ST6GALNAC3: variants seen among roughly 807,000 people sequenced by gnomAD.
ST6GALNAC3 encodes the protein ST6 N-acetylgalactosaminide alpha-2,6-sialyltransferase 3.
ST6GALNAC3 carries 25 observed loss-of-function variants against 32.7 expected under a neutral mutation model. The observed-to-expected ratio is 0.76, with a 90% confidence interval of 0.56 to 1.07. The LOEUF (loss-of-function observed/expected upper bound fraction) is 1.07, where lower values mean the gene tolerates loss of function less well. Among genes scored for constraint, ST6GALNAC3 ranks in the 50% least tolerant of loss-of-function variants. The pLI is 0.00. For synonymous variants in ST6GALNAC3, 129 were observed against 133.1 expected, an observed-to-expected ratio of 0.97 and a Z score of 0.21; for missense variants, 355 against 382.4, an observed-to-expected ratio of 0.93 and a Z score of 0.60.
intron 1 of ST6GALNAC3, among the ~76,000 whole-genome samples, chr1:76,096,095 C>T (rs1647126865): frequency 6.6e-6 from 1 of 152,160 alleles, no homozygotes; most frequent in African/African-American, 2.4e-5. Flanking sequence ...CAACGTTTAC[C>T]TGTGCTGATG....
chr1:76,159,795 A>G (rs948778198), intron 1 of ST6GALNAC3, among the ~76,000 whole-genome samples: 2 of 152,212 alleles, frequency 1.3e-5, no homozygotes, highest in African/African-American at 4.8e-5. Flanking sequence ...ATACCTACAC[A>G]TGCCATAAAC....
intron 1 of ST6GALNAC3, among the ~76,000 whole-genome samples, chr1:76,205,054 G>A (rs938042219): frequency 3.9e-5 from 6 of 152,112 alleles, no homozygotes; most frequent in African/African-American, 1.2e-4. Flanking sequence ...TGAACTGTGG[G>A]ACCCTTGAGG....
intron 2 of ST6GALNAC3, among the ~76,000 whole-genome samples, chr1:76,385,450 A>G (rs1359468): frequency 0.32 from 48,491 of 151,946 alleles, 8,760 homozygotes; most frequent in Middle Eastern, 0.42. Flanking sequence ...TCCCAGTTCA[A>G]ACATTTGGGC....
intron 1 of ST6GALNAC3, among the ~76,000 whole-genome samples, chr1:76,257,590 A>C (rs1657991527): frequency 6.6e-6 from 1 of 152,116 alleles, no homozygotes; most frequent in East Asian, 1.9e-4. Context: ...CAGTAATAGT[A>C]GCTTCTCTTA....
intron 2 of ST6GALNAC3, among the ~76,000 whole-genome samples, chr1:76,406,447 G>A (rs777927238): frequency 2.6e-5 from 4 of 152,034 alleles, no homozygotes; most frequent in Non-Finnish European, 2.9e-5. Flanking sequence ...GTAAGCAGAT[G>A]TGAAGGACCA....
At chr1:76,187,269 G>T (rs1023480941) in intron 1 of ST6GALNAC3, among the ~76,000 whole-genome samples, 2 of 152,092 alleles carry the variant, frequency 1.3e-5, no homozygotes, top group African/African-American at 4.8e-5. Context: ...AAATACCTTG[G>T]TTGTTTTCCA....
At chr1:76,272,249 C>A (rs1658886816) in intron 1 of ST6GALNAC3, among the ~76,000 whole-genome samples, 1 of 149,744 alleles carries the variant, frequency 6.7e-6, no homozygotes, top group Non-Finnish European at 1.5e-5. Flanking sequence ...TCGCTTGAAC[C>A]CAGGTCGAGG....
chr1:76,379,264 T>C (rs186178249), intron 2 of ST6GALNAC3, among the ~76,000 whole-genome samples: 277 of 152,280 alleles, frequency 1.8e-3, no homozygotes, highest in African/African-American at 6.1e-3. Flanking sequence ...ACAATTGATT[T>C]CTACTTCATT....
At chr1:76,416,181 G>A (rs886911533) in intron 3 of ST6GALNAC3, among the ~76,000 whole-genome samples, 1 of 151,956 alleles carries the variant, frequency 6.6e-6, no homozygotes, top group African/African-American at 2.4e-5. Context: ...CATTTATGTG[G>A]ATCTGTGCTC....
At chr1:76,206,715 G>C (rs1030415286) in intron 1 of ST6GALNAC3, among the ~76,000 whole-genome samples, 1 of 151,804 alleles carries the variant, frequency 6.6e-6, no homozygotes, top group Non-Finnish European at 1.5e-5. Flanking sequence ...CCTGGCGATA[G>C]AGCGAGACTC....
intron 3 of ST6GALNAC3, among the ~76,000 whole-genome samples, chr1:76,494,464 T>TGTACAC (rs1660697790): frequency 1.4e-5 from 1 of 73,258 alleles, no homozygotes; most frequent in African/African-American, 5.3e-5. Flanking sequence ...TATATATATA[T>TGTACAC]ATATACACAC....
intron 2 of ST6GALNAC3, among the ~76,000 whole-genome samples, chr1:76,408,610 G>A (rs1187691838): frequency 6.6e-6 from 1 of 152,004 alleles, no homozygotes; most frequent in African/African-American, 2.4e-5. Flanking sequence ...CACTTTCAGA[G>A]GTTACAATTG....
intron 1 of ST6GALNAC3, among the ~76,000 whole-genome samples, chr1:76,218,712 C>T (rs473421): frequency 6.6e-6 from 1 of 152,084 alleles, no homozygotes; most frequent in Admixed American, 6.6e-5. Flanking sequence ...CAGCTTAATT[C>T]TTATTAGCTA....
chr1:76,313,666 T>C, intron 1 of ST6GALNAC3, 139 bp from the exon 2 acceptor site: 1 of 970,064 alleles, frequency 1.0e-6, no homozygotes. Context: ...TTATTTTCCA[T>C]TTCCAGGTAA....
chr1:76,463,466 A>G lies in ST6GALNAC3; in HGVS notation c.623+51049A>G, dbSNP rs576510728. Among the ~76,000 whole-genome samples the G allele has an allele frequency of 2.0e-5, 3 of 152,206 alleles. No homozygotes were observed. The East Asian group carries it at 5.8e-4, about 29-fold the overall frequency. On this transcript the variant is annotated intron_variant, in intron 3 of 4. Coordinates refer to ENST00000328299, the MANE Select transcript of ST6GALNAC3 (RefSeq NM_152996.4). ...TTGTCTATTTTCGTATTTCTCTATG[A>G]CTCTGCAGAGCCAAGCTTTTGATCG... is the stretch of plus-strand genomic sequence containing the variant.
At chr1:76,328,326 G>T (rs1023051535) in intron 2 of ST6GALNAC3, among the ~76,000 whole-genome samples, 1 of 152,172 alleles carries the variant, frequency 6.6e-6, no homozygotes, top group Non-Finnish European at 1.5e-5. Context: ...GAGGAGTTGA[G>T]ATTTTTACTT....
chr1:76,315,085 A>G (rs1646840159), intron 2 of ST6GALNAC3, among the ~76,000 whole-genome samples: 1 of 124,770 alleles, frequency 8.0e-6, no homozygotes, highest in African/African-American at 2.8e-5. Flanking sequence ...TTTATAGTTG[A>G]AAAAAAGCAC....
intron 1 of ST6GALNAC3, among the ~76,000 whole-genome samples, chr1:76,102,846 C>T (rs1429457186): frequency 2.0e-5 from 3 of 151,982 alleles, no homozygotes; most frequent in Admixed American, 2.0e-4. Context: ...GGAGCACTCT[C>T]TTTTTGCCTG....
At chr1:76,465,701 A>T (rs970967515) in intron 3 of ST6GALNAC3, among the ~76,000 whole-genome samples, 2 of 151,700 alleles carry the variant, frequency 1.3e-5, no homozygotes, top group African/African-American at 4.8e-5. Flanking sequence ...ATGGGATAGT[A>T]TTTTTCATTT....
Sources: allele counts gnomAD v4.1 joint callset (sites outside exome capture counted in the v4.1 genomes callset), GRCh38; gene constraint gnomAD v4.1.1; transcripts MANE v1.5; gene names NCBI Gene and HGNC (gene_info 2026-07-23, HGNC 2026-07-21).